The following MED13L variants were observed in gnomAD, a reference collection of about 807,000 sequenced individuals.
The protein encoded by MED13L is mediator complex subunit 13L.
MED13L carries 7 observed loss-of-function variants against 220.9 expected under a neutral mutation model. The ratio of observed to expected loss-of-function variants is 0.03; its 90% CI spans 0.02 to 0.06. MED13L has a LOEUF of 0.06. Ranked by LOEUF, MED13L falls within the 10% of genes least tolerant of loss-of-function variation. The probability of loss-of-function intolerance (pLI) is 1.00; values close to 1 mark genes in which losing one functional copy is unlikely to be tolerated. For synonymous variants in MED13L, 1,011 were observed against 1,015.2 expected, an observed-to-expected ratio of 1.00 and a Z score of 0.08; for missense variants, 1,965 against 2,760.5, an observed-to-expected ratio of 0.71 and a Z score of 6.46.
intron 1 of MED13L, among the ~76,000 whole-genome samples, chr12:116,251,499 C>G (rs1320624814): frequency 6.8e-6 from 1 of 147,252 alleles, no homozygotes; most frequent in African/African-American, 2.5e-5. Flanking sequence ...GTGGCTCACG[C>G]CTGTAATCCC....
chr12:116,037,643 G>A (rs1282957795), intron 4 of MED13L, among the ~76,000 whole-genome samples: 1 of 152,086 alleles, frequency 6.6e-6, no homozygotes, highest in Non-Finnish European at 1.5e-5. Flanking sequence ...CTTGGGTAGT[G>A]CGTTATAAAT....
rs938023282 is a variant in MED13L at position 115,983,255 on chromosome 12, C to A, written c.4817G>T (p.Gly1606Val). The change falls in exon 21 of 31, where the codon GGA becomes GTA. Residue 1606 changes from glycine to valine, a missense_variant. By Grantham distance (109) the Gly-to-Val change is moderately radical. Around this residue, in one of 10 missense-constraint regions of MED13L, gnomAD observed 510 missense variants for 620.4 expected, o/e 0.82. Transcript: ENST00000281928. ...ISQISTTSSS[G>V]FSGSVGGQNP... The stretch of plus-strand genomic sequence containing the variant: ...CTGCCCTCCAACACTACCACTGAAT[C>A]CTGAAGAAGAGGTAGTGCTTATCTG... The A allele has an allele frequency of 3.1e-6, 5 of 1,614,048 alleles. No individual in the cohort carries two copies. The East Asian group carries it at 8.9e-5, about 29-fold the overall frequency.
intron 14 of MED13L, among the ~76,000 whole-genome samples, chr12:116,000,463 T>A (rs920977277): frequency 6.6e-6 from 1 of 152,196 alleles, no homozygotes; most frequent in Non-Finnish European, 1.5e-5. Flanking sequence ...CAGCACTTTA[T>A]GTATTCATGC....
At chr12:116,042,990 C>T (rs1272851334) in intron 4 of MED13L, among the ~76,000 whole-genome samples, 1 of 151,984 alleles carries the variant, frequency 6.6e-6, no homozygotes, top group Non-Finnish European at 1.5e-5. Flanking sequence ...TAAACAAAGC[C>T]CTCACAGAAC....
At position 116,264,119 on chromosome 12, in the gene MED13L, A is replaced by G. The variant is rs183511674; in HGVS notation, c.72+12941T>C. ...ACTCTTAGGCAGCAGTTTAGAGCAA[A>G]AAGCAGAACTAAAATAATAAACTGC... is the stretch of plus-strand genomic sequence containing the variant. On this transcript the variant is annotated intron_variant, in intron 1 of 30. Transcript: ENST00000281928. Among the ~76,000 whole-genome samples, 6 of 152,314 alleles carry G rather than the reference A, an allele frequency of 3.9e-5. No individual in the cohort carries two copies. In the East Asian group the frequency reaches 1.2e-3, roughly 29 times the overall value.
intron 4 of MED13L, among the ~76,000 whole-genome samples, chr12:116,035,169 A>G (rs902786042): frequency 6.6e-6 from 1 of 152,200 alleles, no homozygotes; most frequent in Non-Finnish European, 1.5e-5. Flanking sequence ...AGCAAACTAC[A>G]TAAAAACCTT....
At chr12:116,096,991 T>C (rs1314280148) in intron 3 of MED13L, among the ~76,000 whole-genome samples, 1 of 152,158 alleles carries the variant, frequency 6.6e-6, no homozygotes, top group African/African-American at 2.4e-5. Context: ...GCAAAATAAA[T>C]TGATTGATGT....
At chr12:116,066,922 A>T (rs1869983936) in intron 4 of MED13L, among the ~76,000 whole-genome samples, 1 of 152,208 alleles carries the variant, frequency 6.6e-6, no homozygotes, top group Non-Finnish European at 1.5e-5. Flanking sequence ...AACTGACTCT[A>T]TTAAGTTTAA....
At chr12:116,011,062 T>C (rs1879367878) in intron 9 of MED13L, among the ~76,000 whole-genome samples, 1 of 151,924 alleles carries the variant, frequency 6.6e-6, no homozygotes, top group African/African-American at 2.4e-5. Flanking sequence ...TTTGTTTTTT[T>C]TTTAAGTAGA....
At chr12:116,242,147 C>A (rs911535178) in intron 1 of MED13L, among the ~76,000 whole-genome samples, 4 of 150,354 alleles carry the variant, frequency 2.7e-5, no homozygotes, top group African/African-American at 4.9e-5. Flanking sequence ...CAGGTGCAAG[C>A]CATTCTCCTG....
chr12:116,135,724 A>C (rs893359736), intron 2 of MED13L, among the ~76,000 whole-genome samples: 2 of 152,178 alleles, frequency 1.3e-5, no homozygotes, highest in Non-Finnish European at 2.9e-5. Flanking sequence ...TAGCTATTCA[A>C]ATAGGGAGAG....
At chr12:116,275,854 T>A (rs1873772294) in intron 1 of MED13L, among the ~76,000 whole-genome samples, 2 of 152,222 alleles carry the variant, frequency 1.3e-5, no homozygotes, top group Admixed American at 1.3e-4. Context: ...GAAACGTAAT[T>A]GCCTTACATC....
rs1592916653 is a variant in MED13L, at chr12:115,984,939, T to C, written c.4339-567A>G. ...CTCCATGACGCTAAATGGGTGCTTA[T>C]GGCAGGGAATATAATAAACCTGCAA... On this transcript the variant is annotated intron_variant, in intron 19 of 30. Coordinates refer to ENST00000281928, the MANE Select transcript of MED13L (RefSeq NM_015335.5). 2.6e-5 allele frequency among the ~76,000 whole-genome samples: 4 copies of C among 152,004 alleles called. No homozygotes were observed. The South Asian group carries it at 8.3e-4, about 32-fold the overall frequency.
At position 116,007,540 on chromosome 12, in the gene MED13L, T is replaced by C. The variant is rs1879123634; in HGVS notation, c.2109A>G (p.Gln703=). The part of the protein sequence containing the change: ...LHFLDPLPLS[Q]QPGDSLGEVN... ...CTTCTCCCAAACTGTCTCCAGGTTG[T>C]TGTGATAGAGGCAATGGGTCAAGGA... Residue 703 remains glutamine (Q), a synonymous_variant, in exon 11 of 31, where the codon CAA becomes CAG. Transcript: ENST00000281928. 13 of 1,613,674 alleles carry C rather than the reference T, an allele frequency of 8.1e-6. No homozygotes were observed. The highest frequency in any genetic ancestry group is 1.7e-5 in the Admixed American group (1 of 59,940).
At chr12:116,189,482 G>A (rs1455294510) in intron 2 of MED13L, among the ~76,000 whole-genome samples, 1 of 151,868 alleles carries the variant, frequency 6.6e-6, no homozygotes, top group African/African-American at 2.4e-5. Flanking sequence ...GGGGTTTCTT[G>A]CAGAACAAAA....
chr12:116,017,807 G>C (rs1276622520), intron 7 of MED13L, among the ~76,000 whole-genome samples: 7 of 152,018 alleles, frequency 4.6e-5, no homozygotes, highest in African/African-American at 1.7e-4. Context: ...GTAGAAACAG[G>C]ATTCCACCAT....
intron 3 of MED13L, among the ~76,000 whole-genome samples, chr12:116,101,963 T>C (rs1486475874): frequency 6.6e-6 from 1 of 152,176 alleles, no homozygotes; most frequent in Non-Finnish European, 1.5e-5. Context: ...ACTATCCAAA[T>C]ATGATATAAT....
chr12:116,222,453 G>C (rs192368652), intron 2 of MED13L, among the ~76,000 whole-genome samples: 3 of 152,296 alleles, frequency 2.0e-5, no homozygotes, highest in Non-Finnish European at 2.9e-5. Context: ...AGGGTGAATA[G>C]AAGGGAGTAA....
intron 4 of MED13L, among the ~76,000 whole-genome samples, chr12:116,069,117 T>C (rs1279417983): frequency 1.3e-5 from 2 of 152,184 alleles, no homozygotes; most frequent in African/African-American, 4.8e-5. Flanking sequence ...AAGCAGTCTA[T>C]ACGCCAGAAA....
Sources: allele counts gnomAD v4.1 joint callset (sites outside exome capture counted in the v4.1 genomes callset), GRCh38; gene constraint gnomAD v4.1.1; regional missense constraint gnomAD v4.1.1; transcripts MANE v1.5; gene names NCBI Gene and HGNC (gene_info 2026-07-23, HGNC 2026-07-21).